ADAMTS13: variants seen among roughly 807,000 people sequenced by gnomAD.
ADAMTS13 encodes the protein ADAM metallopeptidase with thrombospondin type 1 motif 13.
ADAMTS13 carries 110 observed loss-of-function variants against 155.1 expected under a neutral mutation model. The ratio of observed to expected loss-of-function variants is 0.71; its 90% CI spans 0.61 to 0.83. The LOEUF is 0.83. ADAMTS13 is among the 40% of genes least tolerant of loss of function. The pLI, the probability that ADAMTS13 is intolerant of heterozygous loss-of-function variation, is 0.00. For synonymous variants in ADAMTS13, 758 were observed against 756.4 expected (o/e 1.00, Z -0.03); for missense variants, 1,707 against 1,891.7 (o/e 0.90, Z 1.81).
upstream of ADAMTS13, chr9:133,417,939 G>T (rs587680307): frequency 1.2e-3 from 1,446 of 1,195,812 alleles, 4 homozygotes; most frequent in Non-Finnish European, 1.4e-3. Flanking sequence ...CCCAGGCCAG[G>T]CCGAAACACA....
intron 7 of ADAMTS13, 91 bp from the exon 8 acceptor site, chr9:133,429,848 A>T: frequency 6.7e-7 from 1 of 1,497,104 alleles, no homozygotes; most frequent in Non-Finnish European, 9.0e-7. Flanking sequence ...ACGCTTCCAA[A>T]CGCTTCCATC....
chr9:133,453,280 C>A (rs1554794773), intron 23 of ADAMTS13, among the ~76,000 whole-genome samples: 2 of 152,100 alleles, frequency 1.3e-5, no homozygotes, highest in East Asian at 3.9e-4. Context: ...ACTAAAAATA[C>A]AAAAAATTAG....
Position 133,456,826 on chromosome 9 carries a change from AC to A in ADAMTS13, c.3724+108del, listed in dbSNP as rs1554796211. 2.2e-6 allele frequency: 3 copies of A among 1,375,360 alleles called. No individual in the cohort carries two copies. The Admixed American group carries it at 5.9e-5, about 27-fold the overall frequency. The allele number at this position is 1,375,360 out of a possible 1,614,324, so 85.2% of individuals were successfully genotyped here. A position where few individuals can be genotyped will look rare whatever the true frequency, so the allele number is the denominator to read the frequency against. On this transcript the variant is annotated intron_variant, in intron 27 of 28. Coordinates refer to ENST00000355699, the MANE Select transcript of ADAMTS13 (RefSeq NM_139027.6). This position sits in a 1 kb window ranked among gnomAD's most constrained non-coding sequence, Gnocchi z 4.4. Reference sequence around the variant, plus strand: ...AGTCCCAGTGGGGCAGTGGGAAGATACGGAGGGAACTGACTGAGATGGAAGG... The same window carrying A: ...AGTCCCAGTGGGGCAGTGGGAAGATAGGAGGGAACTGACTGAGATGGAAGG...
rs782314532 is a variant in ADAMTS13, at chr9:133,433,497, G to A, written c.1212G>A (p.Val404=). 11 of 1,613,540 alleles carry A rather than the reference G, an allele frequency of 6.8e-6. No homozygotes were observed. Among genetic ancestry groups the A allele is most frequent in the Admixed American group, 1.7e-5 (1 of 60,012 alleles). ...GCTCCCGCTCCTGCGGAGGAGGTGT[G>A]GTCACCAGGAGGCGGCAGTGCAACA... ...SPCSRSCGGG[V]VTRRRQCNNP... is the part of the protein sequence containing the mutation. The change falls in exon 10 of 29, where the codon GTG becomes GTA. Residue 404 remains valine (V), a synonymous_variant. Transcript: ENST00000355699.
At position 133,424,296 on chromosome 9, in the gene ADAMTS13, C is replaced by T. The variant is rs1554784521; in HGVS notation, c.173-25C>T. ...CTGCTTGCTCTCTAGAACCATCGCCCTCTGCTCTCCCTCTCCCCCTCCAGG... is the reference window on the plus strand; with the variant it reads ...CTGCTTGCTCTCTAGAACCATCGCCTTCTGCTCTCCCTCTCCCCCTCCAGG... On this transcript the variant is annotated intron_variant, in intron 2 of 28. Transcript: ENST00000355699. This position sits in a 1 kb window ranked among gnomAD's most constrained non-coding sequence, Gnocchi z 4.3. 2 of 1,610,206 alleles carry T rather than the reference C, an allele frequency of 1.2e-6. No homozygotes were observed. The highest frequency in any genetic ancestry group is 1.7e-5 in the Admixed American group (1 of 60,012).
chr9:133,423,413 G>A (rs944891472), intron 2 of ADAMTS13, among the ~76,000 whole-genome samples: 3 of 152,198 alleles, frequency 2.0e-5, no homozygotes, highest in South Asian at 2.1e-4. Flanking sequence ...AACGGTCACC[G>A]ATTGGCTGGC....
In ADAMTS13 at chr9:133,458,094, G is replaced by A; in HGVS notation, c.3909G>A (p.Leu1303=). 2 of 1,613,136 alleles carry A rather than the reference G, an allele frequency of 1.2e-6. No individual in the cohort carries two copies. The highest frequency in any genetic ancestry group is 1.7e-6 in the Non-Finnish European group (2 of 1,179,938). ...AGGGAGCCAATGCCAGCTACATCTT[G>A]GTGAGGCCCAGCATGGGGACTTGTG... The part of the protein sequence containing the change: ...GTEGANASYI[L]IRDTHSLRTT... Residue 1303 remains leucine, a splice_region_variant and synonymous_variant, in exon 28 of 29, where the codon TTG becomes TTA. Coordinates refer to ENST00000355699, the MANE Select transcript of ADAMTS13 (RefSeq NM_139027.6).
Position 133,439,418 on chromosome 9 carries a change from C to T in ADAMTS13, c.1758C>T (p.Ala586=). The change falls in exon 15 of 29, where the codon GCC becomes GCT. Residue 586 remains alanine (A), a synonymous_variant. Coordinates refer to ENST00000355699, the MANE Select transcript of ADAMTS13 (RefSeq NM_139027.6). The stretch of plus-strand genomic sequence containing the variant: ...CCAACCTGACCAGTGTCTACATTGC[C>T]AACCACAGGCCTCTCTTCACACACT... ...VTPNLTSVYI[A]NHRPLFTHLA... The T allele has an allele frequency of 4.3e-6, 7 of 1,614,066 alleles. No homozygotes were observed. Among genetic ancestry groups the T allele is most frequent in the Non-Finnish European group, 5.9e-6 (7 of 1,179,896 alleles).
At chr9:133,451,670 C>T (rs1183698487) in intron 23 of ADAMTS13, among the ~76,000 whole-genome samples, 2 of 152,130 alleles carry the variant, frequency 1.3e-5, no homozygotes, top group Admixed American at 1.3e-4. Flanking sequence ...ATGGGTGGAT[C>T]ATTTGAGCCC....
At chr9:133,422,048 G>T (rs960180488), upstream of ADAMTS13, 2 of 255,860 alleles carry the variant, frequency 7.8e-6, no homozygotes, top group African/African-American at 2.2e-5. Context: ...TGGGAGCGGG[G>T]ACCCCGGAGA....
intron 22 of ADAMTS13, 114 bp downstream of exon 22, chr9:133,448,842 C>A: frequency 6.8e-7 from 1 of 1,472,472 alleles, no homozygotes; most frequent in African/African-American, 1.4e-5. Context: ...TGGCTGTGCA[C>A]TGTGTGAGGC....
At position 133,422,438 on chromosome 9, in the gene ADAMTS13, C is replaced by G; in HGVS notation, c.-6C>G. 1.9e-6 allele frequency: 3 copies of G among 1,613,268 alleles called. No individual in the cohort carries two copies. Among genetic ancestry groups the G allele is most frequent in the Non-Finnish European group, 2.5e-6 (3 of 1,179,948 alleles). On this transcript the variant is annotated 5_prime_UTR_variant, in exon 1 of 29. Coordinates refer to ENST00000355699, the MANE Select transcript of ADAMTS13 (RefSeq NM_139027.6). ...CGCTCCACTCCTCGGGCTGGCTCTCCTGAGGATGCACCAGCGTCACCCCCG... is the reference window on the plus strand; with the variant it reads ...CGCTCCACTCCTCGGGCTGGCTCTCGTGAGGATGCACCAGCGTCACCCCCG...
intron 11 of ADAMTS13, among the ~76,000 whole-genome samples, chr9:133,436,265 C>T (rs1485876274): frequency 2.6e-5 from 4 of 151,526 alleles, no homozygotes; most frequent in Non-Finnish European, 5.9e-5. Context: ...GTGGTGAGAC[C>T]CTCCCTTTCC....
chr9:133,450,336 A>T (rs1554794012), intron 23 of ADAMTS13, among the ~76,000 whole-genome samples: 3 of 152,100 alleles, frequency 2.0e-5, no homozygotes. Context: ...TGGGAGGCTG[A>T]GGCGGGCAGA....
At position 133,459,079 on chromosome 9, in the gene ADAMTS13, C is replaced by T. The variant is rs1554797119; in HGVS notation, c.4015C>T (p.Leu1339=). The T allele has an allele frequency of 6.2e-7, 1 of 1,612,930 alleles. No homozygotes were observed. The highest frequency in any genetic ancestry group is 1.7e-5 in the Admixed American group (1 of 60,012). The change falls in exon 29 of 29, where the codon CTG becomes TTG. Residue 1339 remains leucine, a synonymous_variant. Coordinates refer to ENST00000355699, the MANE Select transcript of ADAMTS13 (RefSeq NM_139027.6). ...QAEMEFSEGF[L]KAQASLRGQY... The stretch of plus-strand genomic sequence containing the variant: ...TGAGATGGAGTTCAGCGAGGGCTTC[C>T]TGAAGGCTCAGGCCAGCCTGCGGGG...
intron 2 of ADAMTS13, among the ~76,000 whole-genome samples, chr9:133,423,581 G>A (rs36218544): frequency 1.3e-3 from 201 of 152,270 alleles, no homozygotes; most frequent in African/African-American, 4.8e-3. Context: ...ATAAAGGCCT[G>A]TCCCCATTGC....
chr9:133,451,764 G>T (rs587748097), intron 23 of ADAMTS13, among the ~76,000 whole-genome samples: 1 of 151,958 alleles, frequency 6.6e-6, no homozygotes, highest in African/African-American at 2.4e-5. Flanking sequence ...GGTGGTGCAT[G>T]CCAGTATCCC....
Position 133,445,999 on chromosome 9 carries a change from G to C in ADAMTS13, c.2731+180G>C, listed in dbSNP as rs887336488. On this transcript the variant is annotated intron_variant, in intron 21 of 28. Transcript: ENST00000355699. This position sits in a 1 kb window ranked among gnomAD's most constrained non-coding sequence, Gnocchi z 5.0. ...TAGCTGACAGCCACTTCAAATGTGG[G>C]TGTTGATTGGCTGAAAGGTAGGAAA... Among the ~76,000 whole-genome samples, 2 of 152,206 alleles carry C rather than the reference G, an allele frequency of 1.3e-5. No individual in the cohort carries two copies. The highest frequency in any genetic ancestry group is 3.8e-4 in the East Asian group (2 of 5,196).
In ADAMTS13 at chr9:133,456,746, T is replaced by G; in HGVS notation, c.3724+27T>G. Reference sequence around the variant, plus strand: ...TATGGCCAGGCCTTCTCCACCTCCCTTGGGTGCTCCAGTCCTGGCAGGGAG... The same window carrying G: ...TATGGCCAGGCCTTCTCCACCTCCCGTGGGTGCTCCAGTCCTGGCAGGGAG... On this transcript the variant is annotated intron_variant, in intron 27 of 28. Coordinates refer to ENST00000355699, the MANE Select transcript of ADAMTS13 (RefSeq NM_139027.6). The surrounding 1 kb of genome is among the most constrained non-coding windows in gnomAD (Gnocchi z 4.4). 1 of 1,551,768 alleles carries G rather than the reference T, an allele frequency of 6.4e-7. No individual in the cohort carries two copies.
Sources: gnomAD v4.1 joint callset for allele counts (sites outside exome capture counted in the v4.1 genomes callset) on GRCh38, gnomAD v4.1.1 for gene constraint, Gnocchi (gnomAD v3.1) non-coding constraint, MANE v1.5 for transcripts, NCBI Gene and HGNC (gene_info 2026-07-23, HGNC 2026-07-21) for gene names.